Variants in MUC5B observed in about 807,000 individuals in gnomAD.
MUC5B encodes mucin-5B.
Under a neutral mutation model 376.9 loss-of-function variants are expected in MUC5B, and 116 were observed. The ratio of observed to expected loss-of-function variants is 0.31; its 90% confidence interval spans 0.26 to 0.36. The LOEUF (loss-of-function observed/expected upper bound fraction) is 0.36, where lower values mean the gene tolerates loss of function less well. MUC5B is among the 10% of genes least tolerant of loss of function. The pLI is 1.00. For synonymous variants in MUC5B, 3,517 were observed against 3,390.9 expected, an observed-to-expected ratio of 1.04 and a Z score of -1.29; for missense variants, 7,165 against 7,769.9, an observed-to-expected ratio of 0.92 and a Z score of 2.93.
Position 1,248,703 on chromosome 11 carries a change from T to C in MUC5B, c.11823T>C (p.Ser3941=). 1 of 1,571,240 alleles carries C rather than the reference T, an allele frequency of 6.4e-7. No homozygotes were observed. The highest frequency in any genetic ancestry group is 1.4e-5 in the African/African-American group (1 of 72,440). The part of the protein sequence containing the change: ...MATPSSSTQT[S]GTPPSLITTA... The stretch of plus-strand genomic sequence containing the variant: ...CACCCTCCTCTAGCACACAGACCAG[T>C]GGTACTCCCCCATCACTGATCACCA... The change falls in exon 31 of 49, where the codon AGT becomes AGC. Residue 3941 remains serine (S), a synonymous_variant. Coordinates refer to ENST00000529681, the MANE Select transcript of MUC5B (RefSeq NM_002458.3).
chr11:1,251,422 C>G lies in MUC5B; in HGVS notation c.14542C>G (p.Leu4848Val). ...CTCCACCCCAGGGACCACCTGGATC[C>G]TCACAGAGCCGAGCACTATAGCCAC... ...LSSTPGTTWI[L>V]TEPSTIATVM... Residue 4848 changes from leucine (L) to valine (V), a missense_variant, in exon 31 of 49, where the codon CTC becomes GTC. Physicochemically the swap from Leu to Val is conservative, Grantham distance 32. Around this residue, in one of 31 missense-constraint regions of MUC5B, gnomAD observed 730 missense variants for 592.7 expected, o/e 1.23. Transcript: ENST00000529681. 1 of 1,612,456 alleles carries G rather than the reference C, an allele frequency of 6.2e-7. No individual in the cohort carries two copies. The highest frequency in any genetic ancestry group is 8.5e-7 in the Non-Finnish European group (1 of 1,179,188).
At chr11:1,229,842 G>A in intron 10 of MUC5B, 35 bp downstream of exon 10, 1 of 1,559,318 alleles carries the variant, frequency 6.4e-7, no homozygotes. Context: ...GCCTGGGGTG[G>A]GGTGTGGAGC....
chr11:1,243,382 A>C lies in MUC5B; in HGVS notation c.6502A>C (p.Thr2168Pro). ...CCCAGTGCTGACCACCACCGCCACC[A>C]CACCTGCAGCCACCAGCAACACAGT... Reference protein sequence around the residue: ...IPPVLTTTATTPAATSNTVTP... With the variant: ...IPPVLTTTATPPAATSNTVTP... The change falls in exon 31 of 49, where the codon ACA (threonine) becomes CCA (proline). Residue 2168 changes from threonine (T) to proline (P), a missense_variant. Coordinates refer to ENST00000529681, the MANE Select transcript of MUC5B (RefSeq NM_002458.3). 6.5e-7 allele frequency: 1 copy of C among 1,534,894 alleles called. No homozygotes were observed. The highest frequency in any genetic ancestry group is 8.8e-7 in the Non-Finnish European group (1 of 1,132,644).
chr11:1,250,378 A>C lies in MUC5B; in HGVS notation c.13498A>C (p.Ser4500Arg). 6.2e-7 allele frequency: 1 copy of C among 1,613,386 alleles called. No individual in the cohort carries two copies. Among genetic ancestry groups the C allele is most frequent in the Non-Finnish European group, 8.5e-7 (1 of 1,179,668 alleles). Residue 4500 changes from serine (S) to arginine (R), a missense_variant, in exon 31 of 49, where the codon AGT becomes CGT. Ser to Arg is a moderately radical substitution (Grantham distance 110). Around this residue, in one of 31 missense-constraint regions of MUC5B, gnomAD observed 431 missense variants for 390.4 expected, o/e 1.10. Transcript: ENST00000529681. ...CAGCTCCAAAGCCACTCCCTCCTCCAGTCCAGGGACTGCAACTGCCCTTCC... is the reference window on the plus strand; with the variant it reads ...CAGCTCCAAAGCCACTCCCTCCTCCCGTCCAGGGACTGCAACTGCCCTTCC... ...VTSSKATPSS[S>R]PGTATALPAL... is the part of the protein sequence containing the mutation.
chr11:1,231,212 T>C (rs1862020335), intron 13 of MUC5B, among the ~76,000 whole-genome samples: 2 of 152,080 alleles, frequency 1.3e-5, no homozygotes, highest in Admixed American at 6.5e-5. Flanking sequence ...TCCAGCTCGC[T>C]CAGCCCCACT....
rs781237859 is a variant in MUC5B at position 1,241,203 on chromosome 11, C to T, written c.4323C>T (p.Ser1441=). Residue 1441 remains serine, a synonymous_variant, in exon 31 of 49, where the codon AGC becomes AGT. Coordinates refer to ENST00000529681, the MANE Select transcript of MUC5B (RefSeq NM_002458.3). ...GCCCCTCCCCGGCCCCAGGCACCAG[C>T]CCTCAGCCCTCCCTCAGTGCCAGCA... ...PCGPSPAPGT[S]PQPSLSASTE... 19 of 1,593,460 alleles carry T rather than the reference C, an allele frequency of 1.2e-5. No individual in the cohort carries two copies. Among genetic ancestry groups the T allele is most frequent in the Non-Finnish European group, 1.6e-5 (19 of 1,170,412 alleles).
chr11:1,260,789 G>A (rs547684216), intron 48 of MUC5B, 61 bp downstream of exon 48: 370 of 1,290,758 alleles, frequency 2.9e-4, no homozygotes, highest in Non-Finnish European at 3.7e-4. Context: ...GCCCTGGCCC[G>A]TCAGCTGGCT....
chr11:1,252,705 G>C (rs1862737493), intron 32 of MUC5B, 104 bp from the exon 33 acceptor site: 2 of 1,456,438 alleles, frequency 1.4e-6, no homozygotes, highest in Middle Eastern at 2.4e-4. Context: ...TCCTCAGGCA[G>C]GCTCTTGTGG....
At chr11:1,227,877 G>C (rs1181814554) in intron 7 of MUC5B, 96 bp downstream of exon 7, 2 of 632,432 alleles carry the variant, frequency 3.2e-6, no homozygotes, top group Non-Finnish European at 5.8e-6. Flanking sequence ...AGCTGGTGGA[G>C]AGATGGTGCC....
At chr11:1,232,927 T>G (rs1862062478) in intron 17 of MUC5B, 86 bp from the exon 18 acceptor site, 8 of 1,472,668 alleles carry the variant, frequency 5.4e-6, no homozygotes, top group Non-Finnish European at 7.2e-6. Context: ...GATCCCCACG[T>G]CACAGACGGG....
At chr11:1,236,816 C>A in intron 24 of MUC5B, 109 bp from the exon 25 acceptor site, 1 of 1,336,696 alleles carries the variant, frequency 7.5e-7, no homozygotes, top group Non-Finnish European at 9.8e-7. Flanking sequence ...AACCGGCTGC[C>A]CTCCCTCCAT....
intron 1 of MUC5B, among the ~76,000 whole-genome samples, chr11:1,224,840 G>A (rs1011519690): frequency 2.0e-5 from 3 of 152,164 alleles, no homozygotes; most frequent in African/African-American, 7.2e-5. Context: ...CCCTCGCTGA[G>A]CCCTGACCAT....
Position 1,241,229 on chromosome 11 carries a change from C to T in MUC5B, c.4349C>T (p.Thr1450Met), listed in dbSNP as rs56175069. Residue 1450 changes from threonine (T) to methionine (M), a missense_variant, in exon 31 of 49, where the codon ACG (threonine) becomes ATG (methionine). By Grantham distance (81) the Thr-to-Met change is moderately conservative. This residue lies in a region of MUC5B where 517 missense variants were observed against 545.3 expected (regional missense o/e 0.95). Coordinates refer to ENST00000529681, the MANE Select transcript of MUC5B (RefSeq NM_002458.3). Reference protein sequence around the residue: ...TSPQPSLSASTEPAVPTPTQT... With the variant: ...TSPQPSLSASMEPAVPTPTQT... ...CCTCAGCCCTCCCTCAGTGCCAGCA[C>T]GGAGCCTGCTGTGCCTACCCCAACC... The T allele has an allele frequency of 2.9e-5, 46 of 1,591,726 alleles. No homozygotes were observed. The highest frequency in any genetic ancestry group is 2.8e-4 in the East Asian group (12 of 43,282).
rs1398205507 is a variant in MUC5B at position 1,223,208 on chromosome 11, C to G, written c.70+15C>G. On this transcript the variant is annotated intron_variant, in intron 1 of 48. Transcript: ENST00000529681. The stretch of plus-strand genomic sequence containing the variant: ...GCCGCAGGCAGGTAAGAGCCCCCCA[C>G]TCCGCCCCCTCTCGATGCTGTCTTC... 1.4e-6 allele frequency: 1 copy of G among 710,110 alleles called. No individual in the cohort carries two copies. The allele number at this position is 710,110 out of a possible 1,614,324, so 44.0% of individuals were successfully genotyped here. A position where few individuals can be genotyped will look rare whatever the true frequency, so the allele number is the denominator to read the frequency against.
At position 1,246,751 on chromosome 11, in the gene MUC5B, G is replaced by T. The variant is rs574013648; in HGVS notation, c.9871G>T (p.Gly3291Cys). Residue 3291 changes from glycine (G) to cysteine (C), a missense_variant, in exon 31 of 49, where the codon GGC becomes TGC. Physicochemically the swap from Gly to Cys is radical, Grantham distance 159 (BLOSUM62 -3). This residue lies in a region of MUC5B where 939 missense variants were observed against 770.6 expected (regional missense o/e 1.22). Transcript: ENST00000529681. ...TTTTTTTRATGSVATPSSTPG... is the reference protein window; with the variant it reads ...TTTTTTTRATCSVATPSSTPG... ...CACGACCACCACAACCAGGGCCACC[G>T]GCTCTGTGGCCACCCCCTCCTCCAC... The T allele has an allele frequency of 6.2e-7, 1 of 1,608,190 alleles. No individual in the cohort carries two copies.
rs1053272684 is a variant in MUC5B at position 1,244,776 on chromosome 11, G to T, written c.7896G>T (p.Val2632=). The T allele has an allele frequency of 7.4e-6, 12 of 1,612,144 alleles. No homozygotes were observed. The highest frequency in any genetic ancestry group is 1.0e-5 in the Non-Finnish European group (12 of 1,178,958). Residue 2632 remains valine, a synonymous_variant, in exon 31 of 49, where the codon GTG becomes GTT. Coordinates refer to ENST00000529681, the MANE Select transcript of MUC5B (RefSeq NM_002458.3). ...CAGGGACGGCACGCACGCTTCCAGT[G>T]TGGATCAGCACAACCACCACACCCA... The part of the protein sequence containing the change: ...SSPGTARTLP[V]WISTTTTPTT...
At chr11:1,259,182 A>C (rs1163534397) in intron 44 of MUC5B, 121 bp downstream of exon 44, 2 of 1,006,546 alleles carry the variant, frequency 2.0e-6, no homozygotes, top group African/African-American at 4.0e-5. Flanking sequence ...CCCCCGAGGC[A>C]CCTGCCCCCA....
Position 1,229,244 on chromosome 11 carries a change from C to A in MUC5B, c.1051C>A (p.Arg351Ser). ...CACGGACACCTGCTCCAACCCCCAG[C>A]GCGCGCAGCTCTGCGAGGACCACTG... Reference protein sequence around the residue: ...PCTDTCSNPQRAQLCEDHCVD... With the variant: ...PCTDTCSNPQSAQLCEDHCVD... The change falls in exon 9 of 49, where the codon CGC (arginine) becomes AGC (serine). Residue 351 changes from arginine (R) to serine (S), a missense_variant. This residue lies in a region of MUC5B where 640 missense variants were observed against 733.0 expected (regional missense o/e 0.87). Transcript: ENST00000529681. 7 of 1,594,684 alleles carry A rather than the reference C, an allele frequency of 4.4e-6. No homozygotes were observed. The highest frequency in any genetic ancestry group is 1.1e-5 in the South Asian group (1 of 88,304).
In MUC5B at chr11:1,251,352, A is replaced by C; in HGVS notation, c.14472A>C (p.Thr4824=). 1 of 1,602,358 alleles carries C rather than the reference A, an allele frequency of 6.2e-7. No individual in the cohort carries two copies. Among genetic ancestry groups the C allele is most frequent in the Non-Finnish European group, 8.5e-7 (1 of 1,174,462 alleles). ...CCCGGATCCTCACTGAGCTGACCAC[A>C]ACAGCCACTACAACTGCAGCCACTG... ...GTTRILTELT[T]TATTTAATGS... Residue 4824 remains threonine, a synonymous_variant, in exon 31 of 49, where the codon ACA becomes ACC. Transcript: ENST00000529681.
Sources: gnomAD v4.1 joint callset for allele counts (sites outside exome capture counted in the v4.1 genomes callset) on GRCh38, gnomAD v4.1.1 for gene constraint, gnomAD v4.1.1 regional missense constraint, MANE v1.5 for transcripts, NCBI Gene and HGNC (gene_info 2026-07-23, HGNC 2026-07-21) for gene names.